TMC7: variants seen among roughly 807,000 people sequenced by gnomAD.
The protein encoded by TMC7 is transmembrane channel-like protein 7.
In TMC7, 54 loss-of-function variants were observed where a neutral mutation model predicts 82.9. The observed-to-expected ratio is 0.65, with a 90% CI of 0.52 to 0.82. TMC7 has a LOEUF of 0.82. Ranked by LOEUF, TMC7 falls within the 40% of genes least tolerant of loss-of-function variation. The probability of loss-of-function intolerance (pLI) is 0.00; values close to 1 mark genes in which losing one functional copy is unlikely to be tolerated. For synonymous variants in TMC7, 350 were observed against 337.9 expected (o/e 1.04, Z -0.39); for missense variants, 820 against 901.2 (o/e 0.91, Z 1.15).
At chr16:19,005,088 ATTTATTTATT>A (rs2039214451) in intron 1 of TMC7, among the ~76,000 whole-genome samples, 1 of 150,148 alleles carries the variant, frequency 6.7e-6, no homozygotes, top group African/African-American at 2.4e-5. Flanking sequence ...TTATTTATTT[ATTTATTTATT>A]TATTTTCTGA....
At chr16:18,999,668 G>A (rs940861564) in intron 1 of TMC7, among the ~76,000 whole-genome samples, 1 of 152,242 alleles carries the variant, frequency 6.6e-6, no homozygotes, top group Non-Finnish European at 1.5e-5. Flanking sequence ...CTTTCCAGGA[G>A]CAGGGCAATG....
intron 1 of TMC7, among the ~76,000 whole-genome samples, chr16:18,997,270 C>CGTAT (rs2039059498): frequency 6.6e-6 from 1 of 152,214 alleles, no homozygotes; most frequent in Non-Finnish European, 1.5e-5. Context: ...ACTGGGGATA[C>CGTAT]GATGGCTTAG....
intron 9 of TMC7, among the ~76,000 whole-genome samples, chr16:19,043,698 G>A (rs1369376874): frequency 6.6e-6 from 1 of 152,124 alleles, no homozygotes; most frequent in East Asian, 1.9e-4. Context: ...AGCCTCCTGA[G>A]TAGCTGAGAT....
chr16:19,059,561 C>G, intron 15 of TMC7, 67 bp downstream of exon 15: 7 of 1,613,796 alleles, frequency 4.3e-6, no homozygotes, highest in Non-Finnish European at 5.1e-6. Context: ...AAGGAAAGTG[C>G]TGTTTTCCTG....
chr16:19,051,473 A>G (rs374078523), intron 12 of TMC7, among the ~76,000 whole-genome samples: 17 of 145,962 alleles, frequency 1.2e-4, no homozygotes, highest in Middle Eastern at 4.1e-3. Flanking sequence ...TCATTGTTCA[A>G]TTCCCACCTA....
chr16:19,055,445 C>T (rs1313589451), intron 13 of TMC7, among the ~76,000 whole-genome samples: 1 of 152,152 alleles, frequency 6.6e-6, no homozygotes, highest in African/African-American at 2.4e-5. Flanking sequence ...GCAATCTCCA[C>T]TTCCTGGGTT....
intron 9 of TMC7, 110 bp from the exon 10 acceptor site, chr16:19,044,768 CAAAAAA>C (rs1165792461): frequency 1.9e-3 from 556 of 292,342 alleles, no homozygotes; most frequent in African/African-American, 2.4e-3. Context: ...CACTCCATCT[CAAAAAA>C]AAAAAAAAAA....
In TMC7 at chr16:19,037,929, A is replaced by G; in HGVS notation, c.1061A>G (p.Glu354Gly). Residue 354 changes from glutamate to glycine, a missense_variant, in exon 8 of 16, where the codon GAA becomes GGA. By Grantham distance (98) the Glu-to-Gly change is moderately conservative. Coordinates refer to ENST00000304381, the MANE Select transcript of TMC7 (RefSeq NM_024847.4). The stretch of plus-strand genomic sequence containing the variant: ...AAAATAGCAGAAAGGACCTCAGAAG[A>G]AACAATACGCATTTACTCTTTGAGA... Reference protein sequence around the residue: ...RQKIAERTSEETIRIYSLRLF... With the variant: ...RQKIAERTSEGTIRIYSLRLF... The G allele has an allele frequency of 6.2e-7, 1 of 1,614,026 alleles. No individual in the cohort carries two copies. The highest frequency in any genetic ancestry group is 8.5e-7 in the Non-Finnish European group (1 of 1,179,980).
At chr16:19,053,854 T>G (rs895920631) in intron 13 of TMC7, among the ~76,000 whole-genome samples, 1 of 151,596 alleles carries the variant, frequency 6.6e-6, no homozygotes, top group Non-Finnish European at 1.5e-5. Flanking sequence ...TCTTTCTTTT[T>G]TTTTTTTTTT....
intron 12 of TMC7, among the ~76,000 whole-genome samples, chr16:19,051,349 C>T (rs1218399780): frequency 6.6e-6 from 1 of 151,068 alleles, no homozygotes; most frequent in Non-Finnish European, 1.5e-5. Flanking sequence ...TGTGCTGCAC[C>T]CATTAACTTG....
intron 1 of TMC7, among the ~76,000 whole-genome samples, chr16:19,008,088 T>C (rs1465549239): frequency 1.3e-5 from 2 of 152,116 alleles, no homozygotes; most frequent in African/African-American, 2.4e-5. Context: ...CTTTGCTGCA[T>C]AGAAGCTTTG....
At position 19,040,458 on chromosome 16, in the gene TMC7, C is replaced by T. The variant is rs1204420293; in HGVS notation, c.1337+12C>T. On this transcript the variant is annotated intron_variant, in intron 9 of 15. Transcript: ENST00000304381. The stretch of plus-strand genomic sequence containing the variant: ...CTGACAATCCTTAGGTAATGCCTAA[C>T]ATGAAGATGGCAGGCATGTCAAGCC... 1.9e-6 allele frequency: 3 copies of T among 1,605,322 alleles called. No individual in the cohort carries two copies. Among genetic ancestry groups the T allele is most frequent in the Non-Finnish European group, 2.5e-6 (3 of 1,178,016 alleles).
intron 5 of TMC7, among the ~76,000 whole-genome samples, chr16:19,028,964 CT>C (rs1037533965): frequency 7.5e-6 from 1 of 132,848 alleles, no homozygotes; most frequent in Non-Finnish European, 1.7e-5. Context: ...GAGATTTGCA[CT>C]TTTTAAAAAA....
intron 5 of TMC7, among the ~76,000 whole-genome samples, chr16:19,028,333 G>A (rs1405383880): frequency 6.6e-6 from 1 of 151,958 alleles, no homozygotes; most frequent in African/African-American, 2.4e-5. Flanking sequence ...CCAGGAGTTG[G>A]AGACCAGCCT....
Position 19,047,182 on chromosome 16 carries a change from C to T in TMC7, c.1673C>T (p.Ala558Val). The part of the protein sequence containing the change: ...VYGQTICWIG[A>V]FFSPLLPAIA... ...GGGCAAACCATCTGCTGGATCGGAG[C>T]CTTTTTCTCACCCCTTCTCCCTGCA... Residue 558 changes from alanine (A) to valine (V), a missense_variant, in exon 12 of 16, where the codon GCC becomes GTC. This residue lies in a region of TMC7 where 170 missense variants were observed against 231.3 expected (regional missense o/e 0.74). Coordinates refer to ENST00000304381, the MANE Select transcript of TMC7 (RefSeq NM_024847.4). 1 of 1,613,956 alleles carries T rather than the reference C, an allele frequency of 6.2e-7. No homozygotes were observed. The highest frequency in any genetic ancestry group is 8.5e-7 in the Non-Finnish European group (1 of 1,180,010).
chr16:19,016,546 A>G lies in TMC7; in HGVS notation c.408A>G (p.Arg136=), dbSNP rs762877401. ...GGAAGAGGTTCCTAGAGAAGGCTCGAGAGATGACGACCCACCTGGAGCTGT... is the reference window on the plus strand; with the variant it reads ...GGAAGAGGTTCCTAGAGAAGGCTCGGGAGATGACGACCCACCTGGAGCTGT... The part of the protein sequence containing the change: ...KSWKRFLEKA[R]EMTTHLELWR... Residue 136 remains arginine, a synonymous_variant, in exon 3 of 16, where the codon CGA becomes CGG. Transcript: ENST00000304381. 6.2e-7 allele frequency: 1 copy of G among 1,614,046 alleles called. No homozygotes were observed. The highest frequency in any genetic ancestry group is 2.2e-5 in the East Asian group (1 of 44,900).
Position 18,984,303 on chromosome 16 carries a change from C to T in TMC7, c.67+173C>T. ...AAGGAGATCTTCCTTATTCCTGCTC[C>T]CTCCACAAACGCGTCCTCATCCAAT... On this transcript the variant is annotated intron_variant, in intron 1 of 15. Transcript: ENST00000304381. The T allele has an allele frequency of 3.8e-6, 5 of 1,318,678 alleles. No individual in the cohort carries two copies. In the South Asian group the frequency reaches 1.0e-4, roughly 27 times the overall value. 81.7% of individuals were successfully genotyped at this position (1,318,678 alleles called of 1,614,324 possible).
At chr16:19,057,596 T>G (rs1200894881) in intron 14 of TMC7, among the ~76,000 whole-genome samples, 2 of 152,234 alleles carry the variant, frequency 1.3e-5, no homozygotes, top group African/African-American at 2.4e-5. Context: ...AGACTCAAAT[T>G]CGTAGGATCC....
intron 15 of TMC7, chr16:19,059,697 G>T: frequency 1.3e-6 from 2 of 1,528,202 alleles, no homozygotes; most frequent in Non-Finnish European, 1.8e-6. Context: ...TGTATTAAGG[G>T]GGATGTGGTG....
Sources: gnomAD v4.1 joint callset for allele counts (sites outside exome capture counted in the v4.1 genomes callset) on GRCh38, gnomAD v4.1.1 for gene constraint, gnomAD v4.1.1 regional missense constraint, MANE v1.5 for transcripts, NCBI Gene and HGNC (gene_info 2026-07-23, HGNC 2026-07-21) for gene names.